Variants in ADAMTS17 observed in about 807,000 individuals in gnomAD.
ADAMTS17 encodes ADAM metallopeptidase with thrombospondin type 1 motif 17.
In ADAMTS17, 113 loss-of-function variants were observed where a neutral mutation model predicts 141.5. That is an observed-to-expected ratio of 0.80 (90% confidence interval 0.69 to 0.93). ADAMTS17 has a LOEUF of 0.93. Among genes scored for constraint, ADAMTS17 ranks in the 40% least tolerant of loss-of-function variants. The pLI is 0.00. For synonymous variants in ADAMTS17, 768 were observed against 630.6 expected (o/e 1.22, Z -3.27); for missense variants, 1,659 against 1,517.9 (o/e 1.09, Z -1.54).
intron 7 of ADAMTS17, among the ~76,000 whole-genome samples, chr15:100,232,639 A>C (rs2042520731): frequency 6.6e-6 from 1 of 152,240 alleles, no homozygotes; most frequent in Non-Finnish European, 1.5e-5. Flanking sequence ...AGTGCAGGAC[A>C]CCAAGTCACC....
intron 3 of ADAMTS17, among the ~76,000 whole-genome samples, chr15:100,311,199 T>A (rs1233747502): frequency 6.6e-6 from 1 of 152,234 alleles, no homozygotes; most frequent in Non-Finnish European, 1.5e-5. Flanking sequence ...CAGTCACACA[T>A]TCTCCCGGCT....
At chr15:100,211,612 A>G (rs1348064842) in intron 7 of ADAMTS17, among the ~76,000 whole-genome samples, 1 of 152,250 alleles carries the variant, frequency 6.6e-6, no homozygotes, top group Non-Finnish European at 1.5e-5. Context: ...ATCATAAAAA[A>G]GATTGGGCTA....
At chr15:100,297,943 TGA>T (rs927231717) in intron 3 of ADAMTS17, among the ~76,000 whole-genome samples, 1 of 151,844 alleles carries the variant, frequency 6.6e-6, no homozygotes, top group African/African-American at 2.4e-5. Context: ...AGTGAAGTCC[TGA>T]GAGGCAGGGC....
intron 13 of ADAMTS17, among the ~76,000 whole-genome samples, chr15:100,116,133 A>G (rs907347261): frequency 3.2e-5 from 1 of 30,800 alleles, no homozygotes; most frequent in Non-Finnish European, 6.9e-5. Flanking sequence ...AGTTTTAGGT[A>G]AAAAAAAAAA....
rs1384882128 is a variant in ADAMTS17 at position 100,133,376 on chromosome 15, G to A, written c.1474-61C>T. ...ACACCCACACTCACAGGTCACAGCTGGGGTCAGAGGTGTGGCCCAACCACT... is the reference window on the plus strand; with the variant it reads ...ACACCCACACTCACAGGTCACAGCTAGGGTCAGAGGTGTGGCCCAACCACT... On this transcript the variant is annotated intron_variant, in intron 10 of 21. Coordinates refer to ENST00000268070, the MANE Select transcript of ADAMTS17 (RefSeq NM_139057.4). The A allele has an allele frequency of 8.0e-6, 12 of 1,503,146 alleles. No homozygotes were observed. In the Admixed American group the frequency reaches 1.6e-4, roughly 20 times the overall value. The allele number at this position is 1,503,146 out of a possible 1,614,324, so 93.1% of individuals were successfully genotyped here.
intron 15 of ADAMTS17, chr15:100,063,716 G>T (rs1232799328): frequency 7.8e-7 from 1 of 1,290,020 alleles, no homozygotes; most frequent in Non-Finnish European, 1.0e-6. Flanking sequence ...CCACCACACG[G>T]ATCCTCCGAG....
intron 18 of ADAMTS17, among the ~76,000 whole-genome samples, chr15:100,042,570 A>G (rs543087417): frequency 6.6e-6 from 1 of 152,290 alleles, no homozygotes; most frequent in Non-Finnish European, 1.5e-5. Flanking sequence ...GATGCATTTT[A>G]TAGCTTCTTT....
chr15:100,001,980 A>AAAAAAAAAAAAAAAT (rs2060933399), intron 18 of ADAMTS17, among the ~76,000 whole-genome samples: 1 of 137,424 alleles, frequency 7.3e-6, no homozygotes, highest in Non-Finnish European at 1.6e-5. Context: ...CAGTCTCAAA[A>AAAAAAAAAAAAAAAT]AAAAGGCCAA....
chr15:100,199,531 A>G (rs2141636374), intron 7 of ADAMTS17, 108 bp from the exon 8 acceptor site: 1 of 908,570 alleles, frequency 1.1e-6, no homozygotes, highest in South Asian at 1.3e-5. Flanking sequence ...GGCACACGGC[A>G]ACAATGGTGA....
chr15:100,111,733 G>A (rs981662529), intron 13 of ADAMTS17, among the ~76,000 whole-genome samples: 4 of 152,262 alleles, frequency 2.6e-5, no homozygotes, highest in African/African-American at 9.6e-5. Flanking sequence ...TAGTAAGGAT[G>A]ATGAAATCAT....
chr15:100,341,468 C>T, intron 1 of ADAMTS17, 59 bp from the exon 2 acceptor site: 1 of 1,005,592 alleles, frequency 9.9e-7, no homozygotes, highest in Non-Finnish European at 1.2e-6. Context: ...CCCGCCCTCC[C>T]GCTGGCCGCC....
At chr15:100,300,724 T>A (rs964927699) in intron 3 of ADAMTS17, among the ~76,000 whole-genome samples, 9 of 152,304 alleles carry the variant, frequency 5.9e-5, no homozygotes, top group African/African-American at 2.2e-4. Flanking sequence ...GGGCACCACA[T>A]CATCACATGG....
chr15:100,013,370 C>T (rs1450594171), intron 18 of ADAMTS17, among the ~76,000 whole-genome samples: 1 of 152,116 alleles, frequency 6.6e-6, no homozygotes, highest in Non-Finnish European at 1.5e-5. Flanking sequence ...TTTGGATGCC[C>T]TTTATTTCTT....
At chr15:100,106,508 G>A (rs764471554) in intron 14 of ADAMTS17, among the ~76,000 whole-genome samples, 4 of 152,220 alleles carry the variant, frequency 2.6e-5, no homozygotes, top group Non-Finnish European at 4.4e-5. Flanking sequence ...TGAAAAGGCT[G>A]TGATTAAAAC....
intron 3 of ADAMTS17, among the ~76,000 whole-genome samples, chr15:100,296,631 A>G (rs1434338759): frequency 6.6e-6 from 1 of 151,214 alleles, no homozygotes; most frequent in Non-Finnish European, 1.5e-5. Context: ...ATGCACGCGC[A>G]CGTGCATTTA....
chr15:99,983,864 T>C (rs1382946985), intron 20 of ADAMTS17, among the ~76,000 whole-genome samples: 1 of 152,178 alleles, frequency 6.6e-6, no homozygotes, highest in African/African-American at 2.4e-5. Flanking sequence ...AACTGCAGTT[T>C]CTACTGAAAA....
chr15:100,134,756 C>A lies in ADAMTS17; in HGVS notation c.1474-1441G>T, dbSNP rs572220716. Among the ~76,000 whole-genome samples, 13 of 152,312 alleles carry A rather than the reference C, an allele frequency of 8.5e-5. No homozygotes were observed. The South Asian group carries it at 2.7e-3, about 32-fold the overall frequency. ...AAAGAGAGCTAAGAAAAGCCCACAG[C>A]TCCTTCTCATTTTTCACGTATGTCG... On this transcript the variant is annotated intron_variant, in intron 10 of 21. Transcript: ENST00000268070.
At chr15:100,122,622 T>C (rs1345825334) in intron 12 of ADAMTS17, among the ~76,000 whole-genome samples, 2 of 152,224 alleles carry the variant, frequency 1.3e-5, no homozygotes, top group Non-Finnish European at 1.5e-5. Flanking sequence ...TATTATCAAA[T>C]GGAAGTCTTG....
chr15:100,183,168 T>A (rs2141542369), intron 8 of ADAMTS17, among the ~76,000 whole-genome samples: 1 of 152,286 alleles, frequency 6.6e-6, no homozygotes, highest in South Asian at 2.1e-4. Flanking sequence ...TTTGTATTTT[T>A]AGTAAAGACG....
Sources: allele counts gnomAD v4.1 joint callset (sites outside exome capture counted in the v4.1 genomes callset), GRCh38; gene constraint gnomAD v4.1.1; transcripts MANE v1.5; gene names NCBI Gene and HGNC (gene_info 2026-07-23, HGNC 2026-07-21).